The following ERMARD variants were observed in gnomAD, a reference collection of about 807,000 sequenced individuals.
The protein encoded by ERMARD is endoplasmic reticulum membrane-associated RNA degradation protein.
In ERMARD, 71 loss-of-function variants were observed where a neutral mutation model predicts 83.9. The observed-to-expected ratio is 0.85, with a 90% CI of 0.70 to 1.03. The LOEUF (loss-of-function observed/expected upper bound fraction) is 1.03. Ranked by LOEUF, ERMARD falls within the 50% of genes least tolerant of loss-of-function variation. ERMARD has a pLI of 0.00. For synonymous variants in ERMARD, 284 were observed against 298.6 expected (o/e 0.95, Z 0.50); for missense variants, 838 against 810.9 (o/e 1.03, Z -0.41).
chr6:169,760,537 A>G, intron 7 of ERMARD, 105 bp from the exon 8 acceptor site: 1 of 771,424 alleles, frequency 1.3e-6, no homozygotes, highest in Non-Finnish European at 2.1e-6. Flanking sequence ...GTCACGGTTC[A>G]GCCACCTAAA....
chr6:169,778,867 A>C (rs1003861790), intron 16 of ERMARD, among the ~76,000 whole-genome samples: 1 of 152,242 alleles, frequency 6.6e-6, no homozygotes, highest in Non-Finnish European at 1.5e-5. Context: ...TGCTGGGCGC[A>C]GACTGTACCT....
intron 11 of ERMARD, among the ~76,000 whole-genome samples, chr6:169,769,094 G>GT: frequency 6.6e-6 from 1 of 152,342 alleles, no homozygotes; most frequent in East Asian, 1.9e-4. Flanking sequence ...AAGGGCAGCA[G>GT]TTTTCTGACC....
At chr6:169,777,332 A>G (rs191214136) in intron 16 of ERMARD, among the ~76,000 whole-genome samples, 11 of 152,300 alleles carry the variant, frequency 7.2e-5, no homozygotes, top group Admixed American at 1.3e-4. Flanking sequence ...CAGGGTAAAG[A>G]TCTTGAGGCC....
intron 1 of ERMARD, 38 bp from the exon 2 acceptor site, chr6:169,753,826 C>T (rs1314902518): frequency 7.0e-6 from 10 of 1,436,912 alleles, no homozygotes; most frequent in Non-Finnish European, 8.3e-6. Context: ...ATTTTTCTTT[C>T]TGTTAAGCAG....
At position 169,779,240 on chromosome 6, in the gene ERMARD, G is replaced by T. The variant is rs1793933314; in HGVS notation, c.1798G>T (p.Val600Phe). 2 of 1,614,084 alleles carry T rather than the reference G, an allele frequency of 1.2e-6. No individual in the cohort carries two copies. The highest frequency in any genetic ancestry group is 3.3e-5 in the Admixed American group (2 of 60,004). ...LILLLIALEL[V>F]NIHAVCGKNA... Reference sequence around the variant, plus strand: ...ACTGTTACTCATTGCGCTGGAGTTGGTCAACATTCATGCTGTTTGTGGGAA... The same window carrying T: ...ACTGTTACTCATTGCGCTGGAGTTGTTCAACATTCATGCTGTTTGTGGGAA... Residue 600 changes from valine (V) to phenylalanine (F), a missense_variant, in exon 17 of 18, where the codon GTC (valine) becomes TTC (phenylalanine). Coordinates refer to ENST00000366773, the MANE Select transcript of ERMARD (RefSeq NM_018341.3).
intron 8 of ERMARD, 40 bp from the exon 9 acceptor site, chr6:169,762,389 G>A (rs1469460653): frequency 1.3e-6 from 2 of 1,571,602 alleles, no homozygotes; most frequent in South Asian, 2.3e-5. Context: ...ATTTATTTTT[G>A]AAATGTGGAG....
At chr6:169,767,912 TAA>T (rs1391484668) in intron 10 of ERMARD, 189 bp from the exon 11 acceptor site, 7 of 602,800 alleles carry the variant, frequency 1.2e-5, no homozygotes, top group Non-Finnish European at 1.8e-5. Context: ...AATATAGTCT[TAA>T]AGTCATTCTG....
intron 11 of ERMARD, 132 bp from the exon 12 acceptor site, chr6:169,769,408 C>T (rs988737056): frequency 2.9e-5 from 22 of 760,304 alleles, no homozygotes; most frequent in African/African-American, 5.4e-5. Flanking sequence ...GAGAAGAGCT[C>T]TCCCCAGCAG....
intron 3 of ERMARD, 23 bp from the exon 4 acceptor site, chr6:169,756,315 A>T (rs1179192451): frequency 6.9e-7 from 1 of 1,454,834 alleles, no homozygotes; most frequent in South Asian, 1.2e-5. Flanking sequence ...TGTACATCCT[A>T]ATATGTGTTT....
intron 5 of ERMARD, 60 bp from the exon 6 acceptor site, chr6:169,758,908 T>C (rs1425869645): frequency 2.1e-6 from 3 of 1,429,192 alleles, no homozygotes; most frequent in Admixed American, 3.7e-5. Flanking sequence ...GTTATCTTCA[T>C]ACTATATTGG....
At chr6:169,767,756 T>TACACACACACACACAC (rs59747825) in intron 10 of ERMARD, 4 of 259,498 alleles carry the variant, frequency 1.5e-5, no homozygotes, top group African/African-American at 6.9e-5. Flanking sequence ...GCACATACAC[T>TACACACACACACACAC]ACACACACAC....
intron 15 of ERMARD, 52 bp downstream of exon 15, chr6:169,776,117 G>A (rs925945879): frequency 6.3e-7 from 1 of 1,598,922 alleles, no homozygotes; most frequent in South Asian, 1.1e-5. Flanking sequence ...CAGCAGATTA[G>A]CATAGCAAAC....
At position 169,768,179 on chromosome 6, in the gene ERMARD, T is replaced by C; in HGVS notation, c.1059+8T>C. Reference sequence around the variant, plus strand: ...CTTGGAGAGCCTGCTATGGTAAGTATTAGGTATTTTCCAGGCTAATATTCT... The same window carrying C: ...CTTGGAGAGCCTGCTATGGTAAGTACTAGGTATTTTCCAGGCTAATATTCT... On this transcript the variant is annotated splice_region_variant and intron_variant, in intron 11 of 17. Transcript: ENST00000366773. 6.2e-7 allele frequency: 1 copy of C among 1,611,482 alleles called. No homozygotes were observed.
chr6:169,765,467 T>C (rs975219765), intron 9 of ERMARD, among the ~76,000 whole-genome samples: 1 of 152,224 alleles, frequency 6.6e-6, no homozygotes, highest in African/African-American at 2.4e-5. Context: ...AGCTTATTTA[T>C]CATGGGAGAG....
chr6:169,769,449 G>C (rs1792618042), intron 11 of ERMARD, 91 bp from the exon 12 acceptor site: 1 of 1,235,880 alleles, frequency 8.1e-7, no homozygotes, highest in Non-Finnish European at 1.1e-6. Context: ...AGGACTTGAT[G>C]GATGCACTCT....
intron 9 of ERMARD, 103 bp from the exon 10 acceptor site, chr6:169,766,535 G>T: frequency 2.5e-6 from 2 of 807,826 alleles, no homozygotes; most frequent in South Asian, 2.0e-5. Context: ...AAAAAACTTT[G>T]GGATGTGTGG....
intron 13 of ERMARD, among the ~76,000 whole-genome samples, chr6:169,774,816 A>G (rs1356402537): frequency 6.6e-6 from 1 of 150,916 alleles, no homozygotes; most frequent in African/African-American, 2.5e-5. Flanking sequence ...GAAGTTGGCC[A>G]GGGGCTTCAT....
At chr6:169,767,833 C>T in intron 10 of ERMARD, 1 of 464,566 alleles carries the variant, frequency 2.2e-6, no homozygotes. Flanking sequence ...ACCACATATG[C>T]ACATACACAT....
Position 169,756,391 on chromosome 6 carries a change from T to A in ERMARD, c.369T>A (p.Ser123=). 1 of 1,612,200 alleles carries A rather than the reference T, an allele frequency of 6.2e-7. No individual in the cohort carries two copies. Among genetic ancestry groups the A allele is most frequent in the Non-Finnish European group, 8.5e-7 (1 of 1,179,426 alleles). The change falls in exon 4 of 18, where the codon TCT becomes TCA. Residue 123 remains serine, a synonymous_variant. Transcript: ENST00000366773. The part of the protein sequence containing the change: ...ALESLQSPAI[S]LSLMKLTSCL... ...AAAGTCTACAATCTCCTGCTATTTC[T>A]CTTAGCTTAATGAAACTGACATCGT...
Sources: gnomAD v4.1 joint callset for allele counts (sites outside exome capture counted in the v4.1 genomes callset) on GRCh38, gnomAD v4.1.1 for gene constraint, MANE v1.5 for transcripts, NCBI Gene and HGNC (gene_info 2026-07-23, HGNC 2026-07-21) for gene names.